SUPT3H: variants seen among roughly 807,000 people sequenced by gnomAD.
SUPT3H encodes the protein transcription initiation protein SPT3 homolog.
SUPT3H carries 44 observed loss-of-function variants against 44.3 expected under a neutral mutation model. That is an observed-to-expected ratio of 0.99 (90% CI 0.78 to 1.28). The LOEUF is 1.28. SUPT3H is among the 50% of genes most tolerant of loss of function. The pLI, the probability that SUPT3H is intolerant of heterozygous loss-of-function variation, is 0.00. For missense variants in SUPT3H, 380 were observed against 387.1 expected (o/e 0.98, Z 0.15); for synonymous variants, 124 against 125.6 (o/e 0.99, Z 0.09).
At chr6:45,017,411 G>A (rs1199666093) in intron 4 of SUPT3H, among the ~76,000 whole-genome samples, 1 of 151,210 alleles carries the variant, frequency 6.6e-6, no homozygotes, top group Non-Finnish European at 1.5e-5. Flanking sequence ...TAGACATGAA[G>A]TCCTTGCCCA....
At chr6:45,331,706 A>G (rs777450776) in intron 2 of SUPT3H, among the ~76,000 whole-genome samples, 3 of 152,006 alleles carry the variant, frequency 2.0e-5, no homozygotes, top group Non-Finnish European at 4.4e-5. Flanking sequence ...GAAATTGTGG[A>G]AAAAGATCTG....
intron 5 of SUPT3H, among the ~76,000 whole-genome samples, chr6:45,006,001 A>G (rs1782666657): frequency 6.6e-6 from 1 of 151,992 alleles, no homozygotes; most frequent in South Asian, 2.1e-4. Context: ...ATTATGTTAA[A>G]AATTGTGTCT....
At chr6:45,293,471 A>G (rs1381600173) in intron 2 of SUPT3H, among the ~76,000 whole-genome samples, 1 of 152,146 alleles carries the variant, frequency 6.6e-6, no homozygotes, top group African/African-American at 2.4e-5. Context: ...TGCAGAAGAA[A>G]GTAAATAACC....
At chr6:45,116,565 A>G (rs879128252) in intron 2 of SUPT3H, among the ~76,000 whole-genome samples, 1 of 152,172 alleles carries the variant, frequency 6.6e-6, no homozygotes, top group Non-Finnish European at 1.5e-5. Flanking sequence ...GTTTTTAAAA[A>G]TTAATTTCCA....
chr6:44,900,583 T>TC (rs1461218355), intron 10 of SUPT3H, among the ~76,000 whole-genome samples: 1 of 151,912 alleles, frequency 6.6e-6, no homozygotes, highest in Admixed American at 6.6e-5. Context: ...CTGTGTAGAC[T>TC]CCACCTCTGG....
At chr6:45,070,596 C>T (rs1358150053) in intron 3 of SUPT3H, among the ~76,000 whole-genome samples, 2 of 151,930 alleles carry the variant, frequency 1.3e-5, no homozygotes, top group African/African-American at 4.8e-5. Context: ...AAAAAATTGG[C>T]CGGGCATGGC....
chr6:44,899,450 G>A (rs1190550515), intron 10 of SUPT3H, among the ~76,000 whole-genome samples: 1 of 152,148 alleles, frequency 6.6e-6, no homozygotes, highest in African/African-American at 2.4e-5. Flanking sequence ...CGCTTTGGGA[G>A]GTGGAGGTGG....
chr6:45,041,470 G>C (rs1436760287), intron 3 of SUPT3H, among the ~76,000 whole-genome samples: 1 of 152,186 alleles, frequency 6.6e-6, no homozygotes, highest in East Asian at 1.9e-4. Context: ...ACTGAGAGAT[G>C]ACAATGGTGA....
chr6:45,261,074 C>A (rs2153657493), intron 2 of SUPT3H, among the ~76,000 whole-genome samples: 1 of 151,926 alleles, frequency 6.6e-6, no homozygotes. Context: ...AAAACCCTAC[C>A]AATCAAAACC....
intron 10 of SUPT3H, among the ~76,000 whole-genome samples, chr6:44,927,618 C>T (rs1312487689): frequency 1.3e-5 from 2 of 151,948 alleles, no homozygotes; most frequent in Non-Finnish European, 2.9e-5. Context: ...TGCAAAAAAT[C>T]GGGTGGTAAG....
intron 2 of SUPT3H, among the ~76,000 whole-genome samples, chr6:45,233,686 T>C (rs1315198864): frequency 6.6e-6 from 1 of 152,202 alleles, no homozygotes; most frequent in Admixed American, 6.5e-5. Context: ...TGGTGTTCTC[T>C]CCTATATATT....
In SUPT3H at chr6:45,059,558, T is replaced by C. The variant is rs115958424; in HGVS notation, c.187-38926A>G. On this transcript the variant is annotated intron_variant, in intron 3 of 10. Coordinates refer to ENST00000371459, the MANE Select transcript of SUPT3H (RefSeq NM_003599.4). ...AGGATGCCCTCTCTAATCACTCCTA[T>C]TCAACATTGTATTGGAAGTTATGGT... Among the ~76,000 whole-genome samples the C allele has an allele frequency of 8.6e-3, 1,306 of 152,184 alleles. 19 individuals carry two copies. The highest frequency in any genetic ancestry group is 0.03 in the African/African-American group (1,228 of 41,538).
At chr6:45,216,445 T>C (rs928828352) in intron 2 of SUPT3H, among the ~76,000 whole-genome samples, 11 of 152,208 alleles carry the variant, frequency 7.2e-5, no homozygotes, top group Non-Finnish European at 1.0e-4. Context: ...AGCCCTTACT[T>C]GTAAATAATA....
intron 10 of SUPT3H, among the ~76,000 whole-genome samples, chr6:44,897,429 C>G (rs867959944): frequency 6.6e-6 from 1 of 152,142 alleles, no homozygotes; most frequent in Admixed American, 6.5e-5. Context: ...GTCTTTTATC[C>G]AACAGAAATT....
At chr6:44,903,640 C>G (rs1765485845) in intron 10 of SUPT3H, among the ~76,000 whole-genome samples, 1 of 152,074 alleles carries the variant, frequency 6.6e-6, no homozygotes, top group Non-Finnish European at 1.5e-5. Context: ...GAAAGTATTC[C>G]AATCAACAGA....
At chr6:45,019,958 A>G (rs1360669257) in intron 4 of SUPT3H, among the ~76,000 whole-genome samples, 2 of 152,000 alleles carry the variant, frequency 1.3e-5, no homozygotes, top group Admixed American at 6.6e-5. Context: ...CATGAAAAAT[A>G]ATTATGGCAA....
intron 10 of SUPT3H, among the ~76,000 whole-genome samples, chr6:44,889,217 A>G (rs1762858407): frequency 6.6e-6 from 1 of 152,214 alleles, no homozygotes; most frequent in Non-Finnish European, 1.5e-5. Flanking sequence ...ATTCAATGCC[A>G]TCCCCATCAA....
chr6:45,162,440 C>T (rs1192276311), intron 2 of SUPT3H, among the ~76,000 whole-genome samples: 4 of 152,146 alleles, frequency 2.6e-5, no homozygotes, highest in Non-Finnish European at 4.4e-5. Context: ...AGGAGGAATA[C>T]TTAAGCCCAG....
intron 2 of SUPT3H, among the ~76,000 whole-genome samples, chr6:45,197,039 A>G (rs1403079082): frequency 6.6e-6 from 1 of 151,756 alleles, no homozygotes; most frequent in Admixed American, 6.6e-5. Flanking sequence ...AACATAAAAA[A>G]TAGTATGCTA....
Sources: gnomAD v4.1 joint callset for allele counts (sites outside exome capture counted in the v4.1 genomes callset) on GRCh38, gnomAD v4.1.1 for gene constraint, MANE v1.5 for transcripts, NCBI Gene and HGNC (gene_info 2026-07-23, HGNC 2026-07-21) for gene names.